Variants in RYR2 observed in about 807,000 individuals in gnomAD.
The protein encoded by RYR2 is ryanodine receptor 2, also known as cardiac muscle ryanodine receptor-calcium release channel.
A neutral mutation model predicts 601.1 loss-of-function variants in RYR2; 227 were observed. The ratio of observed to expected loss-of-function variants is 0.38; its 90% confidence interval spans 0.34 to 0.42. RYR2 has a LOEUF of 0.42. Ranked by LOEUF, RYR2 falls within the 10% of genes least tolerant of loss-of-function variation. RYR2 has a pLI of 1.00. For synonymous variants in RYR2, 2,223 were observed against 2,175.1 expected (o/e 1.02, Z -0.61); for missense variants, 4,646 against 6,156.5 (o/e 0.75, Z 8.21).
At chr1:237,198,879 T>G (rs1680863611) in intron 1 of RYR2, among the ~76,000 whole-genome samples, 1 of 151,944 alleles carries the variant, frequency 6.6e-6, no homozygotes, top group African/African-American at 2.4e-5. Context: ...TAATAGTCCA[T>G]GCGTGAATTA....
rs1167990336 is a variant in RYR2, at chr1:237,812,091, C to G, written c.14433+3056C>G. Among the ~76,000 whole-genome samples, 3 of 152,056 alleles carry G rather than the reference C, an allele frequency of 2.0e-5. No homozygotes were observed. In the East Asian group the frequency reaches 5.9e-4, roughly 30 times the overall value. On this transcript the variant is annotated intron_variant, in intron 100 of 104. Coordinates refer to ENST00000366574, the MANE Select transcript of RYR2 (RefSeq NM_001035.3). ...TATTAACTCAGTAGTCTCCTACCAA[C>G]TTTCTGCTGCAGGTTGGCACTGCTA...
chr1:237,515,399 C>T (rs1409545259), intron 24 of RYR2, among the ~76,000 whole-genome samples: 5 of 152,230 alleles, frequency 3.3e-5, no homozygotes, highest in Middle Eastern at 3.4e-3. Flanking sequence ...GATATTTTTC[C>T]TCCTAGCCAA....
chr1:237,774,182 T>C (rs1280501825), intron 87 of RYR2, among the ~76,000 whole-genome samples: 5 of 152,164 alleles, frequency 3.3e-5, no homozygotes, highest in Non-Finnish European at 4.4e-5. Context: ...ATTCTGGGTT[T>C]TTCTGCAATC....
At chr1:237,788,324 C>T (rs954662628) in intron 92 of RYR2, among the ~76,000 whole-genome samples, 189 bp downstream of exon 92, 4 of 152,284 alleles carry the variant, frequency 2.6e-5, no homozygotes, top group South Asian at 2.1e-4. Flanking sequence ...CCGCTCCCTA[C>T]TGTCAAACCC....
chr1:237,277,336 G>A (rs768425742), intron 2 of RYR2, among the ~76,000 whole-genome samples: 1 of 152,168 alleles, frequency 6.6e-6, no homozygotes, highest in Non-Finnish European at 1.5e-5. Context: ...TTAAAGTCAG[G>A]TGTAAGTTAA....
At chr1:237,395,016 A>G (rs1157412333) in intron 10 of RYR2, among the ~76,000 whole-genome samples, 1 of 152,188 alleles carries the variant, frequency 6.6e-6, no homozygotes, top group Non-Finnish European at 1.5e-5. Context: ...AGAACTCACT[A>G]TCACAAGGAT....
At chr1:237,286,929 G>A (rs1406990217) in intron 2 of RYR2, among the ~76,000 whole-genome samples, 1 of 152,110 alleles carries the variant, frequency 6.6e-6, no homozygotes, top group Non-Finnish European at 1.5e-5. Context: ...TGTGATTTAT[G>A]CTTTAAAGAG....
Position 237,596,898 on chromosome 1 carries a change from A to G in RYR2, c.4596+1241A>G, listed in dbSNP as rs572238527. Among the ~76,000 whole-genome samples the G allele has an allele frequency of 1.2e-4, 19 of 152,354 alleles. No homozygotes were observed. In the South Asian group the frequency reaches 3.1e-3, roughly 25 times the overall value. ...ACTGTCAGCCAAGAATACTATGTCT[A>G]GCAAAGCTATCCTTCAGAAATGAAG... is the stretch of plus-strand genomic sequence containing the variant. On this transcript the variant is annotated intron_variant, in intron 34 of 104. Transcript: ENST00000366574.
At chr1:237,464,560 C>T (rs1371605096) in intron 16 of RYR2, among the ~76,000 whole-genome samples, 1 of 152,046 alleles carries the variant, frequency 6.6e-6, no homozygotes, top group Non-Finnish European at 1.5e-5. Flanking sequence ...CCTGGGGAAG[C>T]AGTCCCACTA....
chr1:237,533,261 T>C (rs1199672247), intron 25 of RYR2, among the ~76,000 whole-genome samples: 1 of 152,160 alleles, frequency 6.6e-6, no homozygotes, highest in Non-Finnish European at 1.5e-5. Context: ...TTGACAAAAA[T>C]CTTCATAATA....
chr1:237,757,637 G>T, intron 81 of RYR2, 60 bp from the exon 82 acceptor site: 2 of 1,076,370 alleles, frequency 1.9e-6, no homozygotes, highest in South Asian at 2.5e-5. Flanking sequence ...ATTGGAGGTA[G>T]AATAGGTTAA....
In RYR2 at chr1:237,684,051, C is replaced by G. The variant is rs191855668; in HGVS notation, c.9018-3404C>G. Among the ~76,000 whole-genome samples the G allele has an allele frequency of 3.9e-3, 593 of 152,112 alleles. 3 individuals carry two copies. The highest frequency in any genetic ancestry group is 0.013 in the African/African-American group (543 of 41,492). On this transcript the variant is annotated intron_variant, in intron 62 of 104. Coordinates refer to ENST00000366574, the MANE Select transcript of RYR2 (RefSeq NM_001035.3). ...CAAGCAATTCTCCTGCCTCAGCCTC[C>G]TGAGTAGCTGGGATTACAGGCACCC...
chr1:237,692,656 G>A (rs564031334), intron 63 of RYR2, among the ~76,000 whole-genome samples: 13 of 152,198 alleles, frequency 8.5e-5, no homozygotes, highest in Admixed American at 5.2e-4. Context: ...TGCACATGCT[G>A]TAATTATCGC....
intron 1 of RYR2, among the ~76,000 whole-genome samples, chr1:237,083,897 TG>T (rs1666017339): frequency 6.6e-6 from 1 of 152,208 alleles, no homozygotes; most frequent in African/African-American, 2.4e-5. Context: ...CCAGTGTGTA[TG>T]TTATGCCCAC....
At chr1:237,710,286 C>A (rs560906012) in intron 70 of RYR2, among the ~76,000 whole-genome samples, 1 of 152,154 alleles carries the variant, frequency 6.6e-6, no homozygotes, top group Non-Finnish European at 1.5e-5. Flanking sequence ...TAATTCTATG[C>A]CACTCTGTAA....
Position 237,739,868 on chromosome 1 carries a change from G to A in RYR2, c.11092-2428G>A, listed in dbSNP as rs1691462050. Among the ~76,000 whole-genome samples the A allele has an allele frequency of 2.0e-5, 3 of 152,200 alleles. No homozygotes were observed. In the South Asian group the frequency reaches 6.2e-4, roughly 31 times the overall value. On this transcript the variant is annotated intron_variant, in intron 79 of 104. Transcript: ENST00000366574. The stretch of plus-strand genomic sequence containing the variant: ...TTTCAGCAGATACTGGCAAGCTGAA[G>A]AGCCCTCATTACTGTGTTATGTATT...
At chr1:237,388,283 C>G (rs1702107989) in intron 10 of RYR2, 100 bp downstream of exon 10, 1 of 909,998 alleles carries the variant, frequency 1.1e-6, no homozygotes, top group Non-Finnish European at 1.7e-6. Context: ...TAGCATCATA[C>G]AAGATGGGCT....
intron 12 of RYR2, among the ~76,000 whole-genome samples, chr1:237,436,790 A>T (rs1707426318): frequency 6.6e-6 from 1 of 150,962 alleles, no homozygotes; most frequent in South Asian, 2.1e-4. Flanking sequence ...TGCTAGAAGA[A>T]TTCCTCTGAA....
At chr1:237,204,680 T>C (rs541804350) in intron 1 of RYR2, among the ~76,000 whole-genome samples, 203 of 152,162 alleles carry the variant, frequency 1.3e-3, no homozygotes, top group Non-Finnish European at 1.4e-3. Flanking sequence ...TTGGCGGGGT[T>C]TTAAAGCTAG....
Sources: gnomAD v4.1 joint callset for allele counts (sites outside exome capture counted in the v4.1 genomes callset) on GRCh38, gnomAD v4.1.1 for gene constraint, MANE v1.5 for transcripts, NCBI Gene and HGNC (gene_info 2026-07-23, HGNC 2026-07-21) for gene names.